Variants in DCAF6 observed in about 807,000 individuals in gnomAD.
DCAF6 encodes DDB1 and CUL4 associated factor 6.
In DCAF6, 54 loss-of-function variants were observed where a neutral mutation model predicts 125.1. The ratio of observed to expected loss-of-function variants is 0.43; its 90% confidence interval spans 0.35 to 0.54. The LOEUF is 0.54. DCAF6 is among the 20% of genes least tolerant of loss of function. The pLI, the probability that DCAF6 is intolerant of heterozygous loss-of-function variation, is 0.01. For synonymous variants in DCAF6, 371 were observed against 390.4 expected (o/e 0.95, Z 0.58); for missense variants, 934 against 1,161.7 (o/e 0.80, Z 2.85).
chr1:168,046,763 A>G (rs938653923), intron 16 of DCAF6, among the ~76,000 whole-genome samples: 5 of 152,150 alleles, frequency 3.3e-5, no homozygotes, highest in African/African-American at 9.6e-5. Flanking sequence ...TCCAAAATCA[A>G]ACTGATAATT....
At chr1:168,009,947 C>G (rs1268702814) in intron 10 of DCAF6, among the ~76,000 whole-genome samples, 2 of 149,750 alleles carry the variant, frequency 1.3e-5, no homozygotes, top group African/African-American at 5.0e-5. Flanking sequence ...TCTAAAGATA[C>G]GATTAAAAGT....
chr1:168,046,816 G>A (rs563814800), intron 16 of DCAF6, among the ~76,000 whole-genome samples: 3 of 152,138 alleles, frequency 2.0e-5, no homozygotes, highest in African/African-American at 4.8e-5. Context: ...AATTAAGCTT[G>A]TACATTTATG....
intron 17 of DCAF6, among the ~76,000 whole-genome samples, chr1:168,061,217 T>C (rs1226198798): frequency 6.6e-6 from 1 of 152,206 alleles, no homozygotes; most frequent in East Asian, 1.9e-4. Flanking sequence ...TCTAACTGTA[T>C]CTAACTTAAA....
chr1:167,882,473 A>G, the DCAF6 span, among the ~76,000 whole-genome samples: 1 of 139,338 alleles, frequency 7.2e-6, no homozygotes, highest in Non-Finnish European at 1.5e-5. Flanking sequence ...CAATAGAGCA[A>G]GATTCCGTCT....
chr1:168,017,146 A>T (rs1396853743), intron 11 of DCAF6, among the ~76,000 whole-genome samples: 3 of 151,592 alleles, frequency 2.0e-5, no homozygotes, highest in African/African-American at 4.8e-5. Flanking sequence ...TCCTATGGGG[A>T]AATATTTTCC....
intron 17 of DCAF6, among the ~76,000 whole-genome samples, chr1:168,058,923 T>A (rs1691248104): frequency 6.6e-6 from 1 of 152,180 alleles, no homozygotes. Context: ...CTTTTCCTTA[T>A]TGATTTATAA....
In DCAF6 at chr1:167,988,055, AAAT is replaced by A. The variant is rs551316340; in HGVS notation, c.552+453_552+455del. Among the ~76,000 whole-genome samples, 471 of 152,218 alleles carry A rather than the reference AAAT, an allele frequency of 3.1e-3. 6 individuals are homozygous for A. Among genetic ancestry groups the A allele is most frequent in the African/African-American group, 0.011 (452 of 41,550 alleles). ...ATTACATGTTATCTTTTTTAAAAAG[AAAT>A]AATAAGATAGCATGCTATCAACATG... On this transcript the variant is annotated intron_variant, in intron 5 of 21. Coordinates refer to ENST00000367840, the MANE Select transcript of DCAF6 (RefSeq NM_001198956.2).
chr1:167,919,735 A>C, the DCAF6 span, among the ~76,000 whole-genome samples: 5 of 152,204 alleles, frequency 3.3e-5, no homozygotes, highest in Admixed American at 1.3e-4. Flanking sequence ...CATACTGCTT[A>C]ACTGATTTTA....
At chr1:167,988,271 C>A (rs1429192150) in intron 5 of DCAF6, among the ~76,000 whole-genome samples, 1 of 152,126 alleles carries the variant, frequency 6.6e-6, no homozygotes, top group Non-Finnish European at 1.5e-5. Flanking sequence ...AGTAATCTTC[C>A]TGCCTTAGCC....
intron 7 of DCAF6, among the ~76,000 whole-genome samples, chr1:167,997,209 G>T (rs946390252): frequency 7.2e-5 from 11 of 152,124 alleles, no homozygotes; most frequent in African/African-American, 2.7e-4. Context: ...TTAATTTGAA[G>T]ATTTTATTCT....
intron 10 of DCAF6, among the ~76,000 whole-genome samples, chr1:168,015,289 T>C (rs1376229083): frequency 6.6e-6 from 1 of 152,218 alleles, no homozygotes; most frequent in Non-Finnish European, 1.5e-5. Context: ...CTGAAGAATA[T>C]ATAACTCACT....
rs1041671849 is a variant in DCAF6 at position 167,982,822 on chromosome 1, G to A, written c.439-4673G>A. Among the ~76,000 whole-genome samples the A allele has an allele frequency of 3.6e-4, 54 of 152,064 alleles. 1 individual carries two copies. Among genetic ancestry groups the A allele is most frequent in the African/African-American group, 1.3e-3 (53 of 41,396 alleles). Reference sequence around the variant, plus strand: ...TACATTTAAATCTGGAATCCATCTTGAGTTAATTTTTATATATGGTGAAAT... The same window carrying A: ...TACATTTAAATCTGGAATCCATCTTAAGTTAATTTTTATATATGGTGAAAT... On this transcript the variant is annotated intron_variant, in intron 4 of 21. Transcript: ENST00000367840.
intron 12 of DCAF6, among the ~76,000 whole-genome samples, chr1:168,032,389 TGGAA>T (rs1398072928): frequency 6.6e-6 from 1 of 152,198 alleles, no homozygotes; most frequent in Non-Finnish European, 1.5e-5. Flanking sequence ...TACAAATAGT[TGGAA>T]GGAGAATTGG....
chr1:167,901,519 T>G, the DCAF6 span: 1 of 877,022 alleles, frequency 1.1e-6, no homozygotes, highest in Non-Finnish European at 1.9e-6. Context: ...AAATTCACAT[T>G]CTGATTGTCC....
intron 3 of DCAF6, 57 bp from the exon 4 acceptor site, chr1:167,974,773 A>G: frequency 7.6e-7 from 1 of 1,319,338 alleles, no homozygotes; most frequent in Middle Eastern, 2.1e-4. Flanking sequence ...TATATTAAAA[A>G]TGAATATTTC....
chr1:168,004,576 A>G lies in DCAF6; in HGVS notation c.1161A>G (p.Pro387=), dbSNP rs763398475. 1.2e-6 allele frequency: 2 copies of G among 1,612,284 alleles called. No homozygotes were observed. Among genetic ancestry groups the G allele is most frequent in the Non-Finnish European group, 8.5e-7 (1 of 1,178,990 alleles). ...QSDISTLPTV[P]SSPDLEVSET... is the part of the protein sequence containing the mutation. ...ATATTTCAACTCTTCCTACGGTCCC[A>G]TCAAGTCCTGATTTGGAAGTGAGTG... The change falls in exon 10 of 22, where the codon CCA becomes CCG. Residue 387 remains proline (P), a synonymous_variant. Transcript: ENST00000367840.
intron 2 of DCAF6, among the ~76,000 whole-genome samples, chr1:167,952,629 C>T (rs1674141098): frequency 6.6e-6 from 1 of 152,188 alleles, no homozygotes; most frequent in South Asian, 2.1e-4. Flanking sequence ...TCTCAGCTGA[C>T]TCCTCCGCAT....
chr1:168,010,098 C>T (rs1489071438), intron 10 of DCAF6, among the ~76,000 whole-genome samples: 1 of 152,070 alleles, frequency 6.6e-6, no homozygotes, highest in Middle Eastern at 3.2e-3. Context: ...TTGGTAACAC[C>T]TAGAAGAGAG....
intron 12 of DCAF6, chr1:168,023,463 T>C (rs1685924393): frequency 5.7e-6 from 1 of 175,262 alleles, no homozygotes; most frequent in Admixed American, 5.5e-5. Context: ...GTAATGATAC[T>C]TGGTTTTATG....
Sources: allele counts gnomAD v4.1 joint callset (sites outside exome capture counted in the v4.1 genomes callset), GRCh38; gene constraint gnomAD v4.1.1; transcripts MANE v1.5; gene names NCBI Gene and HGNC (gene_info 2026-07-23, HGNC 2026-07-21).